Variants in FAM98A observed in about 807,000 individuals in gnomAD.
The protein encoded by FAM98A is protein FAM98A.
A neutral mutation model predicts 62.9 loss-of-function variants in FAM98A; 25 were observed. The ratio of observed to expected loss-of-function variants is 0.40; its 90% CI spans 0.29 to 0.56. FAM98A has a LOEUF of 0.56. FAM98A is among the 20% of genes least tolerant of loss of function. FAM98A has a pLI of 0.51. For synonymous variants in FAM98A, 252 were observed against 228.6 expected (o/e 1.10, Z -0.92); for missense variants, 653 against 640.7 (o/e 1.02, Z -0.21).
At position 33,585,447 on chromosome 2, in the gene FAM98A, A is replaced by G; in HGVS notation, c.889-3T>C. 1 of 1,613,998 alleles carries G rather than the reference A, an allele frequency of 6.2e-7. No homozygotes were observed. Among genetic ancestry groups the G allele is most frequent in the Non-Finnish European group, 8.5e-7 (1 of 1,179,936 alleles). ...TCAGGCACCCTGCCCATCAACACCT[A>G]CAGAATAGGAAAGATATTTTAAACT... is the stretch of plus-strand genomic sequence containing the variant. On this transcript the variant is annotated splice_region_variant and splice_polypyrimidine_tract_variant and intron_variant, in intron 7 of 7. Coordinates refer to ENST00000238823, the MANE Select transcript of FAM98A (RefSeq NM_015475.5).
chr2:33,599,267 G>C lies in FAM98A; in HGVS notation c.-46C>G. 1.3e-6 allele frequency: 2 copies of C among 1,512,174 alleles called. No homozygotes were observed. The highest frequency in any genetic ancestry group is 2.2e-5 in the South Asian group (2 of 89,092). 93.7% of individuals were successfully genotyped at this position (1,512,174 alleles called of 1,614,324 possible). ...TCCGAGTCGTCAGGCTCCCCTCTTC[G>C]CCGGCAACGCGTACACTCGCGCATG... On this transcript the variant is annotated 5_prime_UTR_variant, in exon 1 of 8. Coordinates refer to ENST00000238823, the MANE Select transcript of FAM98A (RefSeq NM_015475.5).
chr2:33,585,668 G>A lies in FAM98A; in HGVS notation c.750C>T (p.Tyr250=). 1 of 1,613,720 alleles carries A rather than the reference G, an allele frequency of 6.2e-7. No homozygotes were observed. Among genetic ancestry groups the A allele is most frequent in the Non-Finnish European group, 8.5e-7 (1 of 1,179,886 alleles). The change falls in exon 7 of 8, where the codon TAC becomes TAT. Residue 250 remains tyrosine (Y), a synonymous_variant. Transcript: ENST00000238823. ...KSQTEKLAKV[Y]QPKRSVLSPK... ...GGGATAAGACTGAACGTTTCGGCTG[G>A]TAAACCTTGGCTAATTTTTCTGTCT...
chr2:33,586,756 G>C, intron 5 of FAM98A, 78 bp from the exon 6 acceptor site: 1 of 857,750 alleles, frequency 1.2e-6, no homozygotes, highest in Non-Finnish European at 2.0e-6. Flanking sequence ...AACTACGTCT[G>C]TGTCATTCAT....
chr2:33,588,770 G>A lies in FAM98A; in HGVS notation c.338-251C>T, dbSNP rs73928929. 5.0e-3 allele frequency: 1,291 copies of A among 256,320 alleles called. 17 individuals carry two copies. Among genetic ancestry groups the A allele is most frequent in the African/African-American group, 0.026 (1,177 of 45,244 alleles). The allele number at this position is 256,320 out of a possible 1,614,324, so 15.9% of individuals were successfully genotyped here. On this transcript the variant is annotated intron_variant, in intron 3 of 7. Coordinates refer to ENST00000238823, the MANE Select transcript of FAM98A (RefSeq NM_015475.5). ...ATAAGCGATTCTCTTTGAAACCGAA[G>A]GATCGAGGTAAGTAACATCTAAAAA...
chr2:33,589,283 C>G (rs1677622458), intron 3 of FAM98A: 1 of 152,180 alleles, frequency 6.6e-6, no homozygotes. Context: ...GGGCTGCAAT[C>G]TGTTTCAGGT....
rs1221246896 is a variant in FAM98A at position 33,585,068 on chromosome 2, C to T, written c.1265G>A (p.Gly422Asp). 1 of 1,614,192 alleles carries T rather than the reference C, an allele frequency of 6.2e-7. No individual in the cohort carries two copies. The highest frequency in any genetic ancestry group is 2.2e-5 in the East Asian group (1 of 44,888). Residue 422 changes from glycine to aspartate, a missense_variant, in exon 8 of 8, where the codon GGT becomes GAT. Coordinates refer to ENST00000238823, the MANE Select transcript of FAM98A (RefSeq NM_015475.5). ...GHSSGGYQGG[G>D]YGGFQTSSSY... is the part of the protein sequence containing the mutation. ...AGAAGATGTTTGGAAGCCACCATAA[C>T]CTCCGCCTTGATAGCCACCACTGCT... is the stretch of plus-strand genomic sequence containing the variant.
intron 3 of FAM98A, chr2:33,589,521 C>T (rs1677627071): frequency 6.6e-6 from 1 of 152,142 alleles, no homozygotes; most frequent in South Asian, 2.1e-4. Context: ...ATCAAATTTC[C>T]TATACCCAAA....
At chr2:33,595,438 T>C (rs1300775058) in intron 2 of FAM98A, 51 bp downstream of exon 2, 26 of 1,476,022 alleles carry the variant, frequency 1.8e-5, no homozygotes, top group Non-Finnish European at 2.4e-5. Context: ...CAGTTGACAA[T>C]ACCTCAATGT....
In FAM98A at chr2:33,588,571, C is replaced by A; in HGVS notation, c.338-52G>T. The A allele has an allele frequency of 1.3e-6, 2 of 1,496,510 alleles. No individual in the cohort carries two copies. The highest frequency in any genetic ancestry group is 2.4e-5 in the South Asian group (2 of 83,910). 92.7% of individuals were successfully genotyped at this position (1,496,510 alleles called of 1,614,324 possible). A position where few individuals can be genotyped will look rare whatever the true frequency, so the allele number is the denominator to read the frequency against. On this transcript the variant is annotated intron_variant, in intron 3 of 7. Coordinates refer to ENST00000238823, the MANE Select transcript of FAM98A (RefSeq NM_015475.5). ...AATGAGATACAGCTATAGTTATAGT[C>A]ATAAGTCTGGAGTCACAACTATATA... is the stretch of plus-strand genomic sequence containing the variant.
chr2:33,585,370 C>T lies in FAM98A; in HGVS notation c.963G>A (p.Pro321=), dbSNP rs764574518. The change falls in exon 8 of 8, where the codon CCG becomes CCA. Residue 321 remains proline (P), a synonymous_variant. Coordinates refer to ENST00000238823, the MANE Select transcript of FAM98A (RefSeq NM_015475.5). The stretch of plus-strand genomic sequence containing the variant: ...GGGGGCCATCTTGCCTCTTCTGCCA[C>T]GGTGGCATCTCTGGGGGTGGAGGTT... ...EIEPPPPEMP[P]WQKRQDGPQQ... is the part of the protein sequence containing the mutation. The T allele has an allele frequency of 5.1e-5, 83 of 1,614,030 alleles. No homozygotes were observed. The highest frequency in any genetic ancestry group is 1.3e-4 in the East Asian group (6 of 44,892).
At chr2:33,588,231 T>C in intron 4 of FAM98A, 104 bp downstream of exon 4, 1 of 865,888 alleles carries the variant, frequency 1.2e-6, no homozygotes, top group Non-Finnish European at 1.8e-6. Context: ...TAATAATATA[T>C]GCACATTAGG....
At chr2:33,595,224 T>C (rs1055486112) in intron 2 of FAM98A, among the ~76,000 whole-genome samples, 1 of 152,214 alleles carries the variant, frequency 6.6e-6, no homozygotes, top group African/African-American at 2.4e-5. Flanking sequence ...TCATACATTC[T>C]ATGCTTGTGG....
chr2:33,589,465 C>G (rs1252834680), intron 3 of FAM98A: 1 of 152,150 alleles, frequency 6.6e-6, no homozygotes, highest in Non-Finnish European at 1.5e-5. Context: ...AAGATATTTT[C>G]AAGGCCCTCA....
intron 1 of FAM98A, among the ~76,000 whole-genome samples, chr2:33,597,288 G>A (rs999427207): frequency 6.6e-6 from 1 of 152,064 alleles, no homozygotes; most frequent in African/African-American, 2.4e-5. Context: ...GAGGCTAGGA[G>A]TTCGAGACCA....
intron 4 of FAM98A, chr2:33,588,035 T>C (rs1379390648): frequency 3.0e-6 from 1 of 328,882 alleles, no homozygotes; most frequent in Non-Finnish European, 6.1e-6. Context: ...TAAAATAATT[T>C]TTAAAAGGAC....
At chr2:33,591,364 A>G (rs1677667800) in intron 3 of FAM98A, among the ~76,000 whole-genome samples, 1 of 152,212 alleles carries the variant, frequency 6.6e-6, no homozygotes. Flanking sequence ...TCAGAATGCT[A>G]CATAAATTCT....
chr2:33,587,229 T>G lies in FAM98A; in HGVS notation c.603+11A>C, dbSNP rs774207801. 2.6e-6 allele frequency: 4 copies of G among 1,535,200 alleles called. No individual in the cohort carries two copies. The highest frequency in any genetic ancestry group is 3.6e-6 in the Non-Finnish European group (4 of 1,108,928). On this transcript the variant is annotated intron_variant, in intron 5 of 7. Coordinates refer to ENST00000238823, the MANE Select transcript of FAM98A (RefSeq NM_015475.5). ...TCTTTACAAAGTTTACTCAAGATGATTACTACTCACCCAGTGGGCTGGTCC... is the reference window on the plus strand; with the variant it reads ...TCTTTACAAAGTTTACTCAAGATGAGTACTACTCACCCAGTGGGCTGGTCC...
chr2:33,586,761 A>T, intron 5 of FAM98A, 83 bp from the exon 6 acceptor site: 1 of 817,014 alleles, frequency 1.2e-6, no homozygotes, highest in East Asian at 2.4e-5. Context: ...CGTCTGTGTC[A>T]TTCATAACTG....
In FAM98A at chr2:33,595,524, A is replaced by T. The variant is rs1677790956; in HGVS notation, c.167T>A (p.Leu56His). The change falls in exon 2 of 8, where the codon CTC (leucine) becomes CAC (histidine). Residue 56 changes from leucine (L) to histidine (H), a missense_variant. Transcript: ENST00000238823. Reference sequence around the variant, plus strand: ...TTGCACGTTTTCCTCTAGTTTACAGAGCACTCTTAATTCAGACACCAGCCA... The same window carrying T: ...TTGCACGTTTTCCTCTAGTTTACAGTGCACTCTTAATTCAGACACCAGCCA... ...CAWLVSELRV[L>H]CKLEENVQAT... 6.2e-7 allele frequency: 1 copy of T among 1,608,500 alleles called. No individual in the cohort carries two copies. Among genetic ancestry groups the T allele is most frequent in the Admixed American group, 1.7e-5 (1 of 58,840 alleles).
Sources: gnomAD v4.1 joint callset for allele counts (sites outside exome capture counted in the v4.1 genomes callset) on GRCh38, gnomAD v4.1.1 for gene constraint, MANE v1.5 for transcripts, NCBI Gene and HGNC (gene_info 2026-07-23, HGNC 2026-07-21) for gene names.